Variants in SATB2 observed in about 807,000 individuals in gnomAD.
The protein encoded by SATB2 is DNA-binding protein SATB2.
SATB2 carries 1 observed loss-of-function variant against 73.4 expected under a neutral mutation model. That is an observed-to-expected ratio of 0.01 (90% confidence interval 0.00 to 0.06). The LOEUF is 0.06. SATB2 is among the 10% of genes least tolerant of loss of function. The probability of loss-of-function intolerance (pLI) is 1.00; values close to 1 mark genes in which losing one functional copy is unlikely to be tolerated. For missense variants in SATB2, 459 were observed against 945.8 expected, an observed-to-expected ratio of 0.49 and a Z score of 6.75; for synonymous variants, 397 against 367.0, an observed-to-expected ratio of 1.08 and a Z score of -0.93.
chr2:199,434,663 G>T (rs77466217), intron 2 of SATB2, among the ~76,000 whole-genome samples: 1 of 152,206 alleles, frequency 6.6e-6, no homozygotes, highest in East Asian at 1.9e-4. Context: ...AAGTCACATG[G>T]TCATGGTGAA....
rs1236808818 is a variant in SATB2 at position 199,447,918 on chromosome 2, G to T, written c.169+7951C>A. Among the ~76,000 whole-genome samples, 3 of 37,056 alleles carry T rather than the reference G, an allele frequency of 8.1e-5. 1 individual carries two copies. The highest frequency in any genetic ancestry group is 1.3e-4 in the African/African-American group (3 of 23,210). The allele number at this position is 37,056 out of a possible 152,430, so 24.3% of individuals were successfully genotyped here. A position where few individuals can be genotyped will look rare whatever the true frequency, so the allele number is the denominator to read the frequency against. ...CTTTCACTCAATTAAAGCAGAAATGGATATTGCATCTTCTGACTGTATAAT... is the reference window on the plus strand; with the variant it reads ...CTTTCACTCAATTAAAGCAGAAATGTATATTGCATCTTCTGACTGTATAAT... On this transcript the variant is annotated intron_variant, in intron 2 of 10. Coordinates refer to ENST00000417098, the MANE Select transcript of SATB2 (RefSeq NM_001172509.2).
At chr2:199,448,079 C>T (rs1475806651) in intron 2 of SATB2, among the ~76,000 whole-genome samples, 2 of 152,184 alleles carry the variant, frequency 1.3e-5, no homozygotes, top group Non-Finnish European at 2.9e-5. Context: ...GCTCTGTTAG[C>T]ATCTTTGGAT....
intron 2 of SATB2, among the ~76,000 whole-genome samples, chr2:199,444,255 T>C (rs1415653999): frequency 1.3e-5 from 2 of 152,266 alleles, no homozygotes; most frequent in East Asian, 3.9e-4. Flanking sequence ...ATCCAAAGGC[T>C]ATCACCCAGC....
chr2:199,309,744 C>T lies in SATB2; in HGVS notation c.1543-787G>A, dbSNP rs147858505. 1.0e-3 allele frequency among the ~76,000 whole-genome samples: 154 copies of T among 152,304 alleles called. 3 individuals are homozygous for T. The East Asian group carries it at 0.027, about 27-fold the overall frequency. ...CACTGACTCATGTCAAAATATTTTA[C>T]CAGTAGCTTTCTAACCCATCATTTC... is the stretch of plus-strand genomic sequence containing the variant. On this transcript the variant is annotated intron_variant, in intron 9 of 10. Coordinates refer to ENST00000417098, the MANE Select transcript of SATB2 (RefSeq NM_001172509.2).
intron 3 of SATB2, among the ~76,000 whole-genome samples, chr2:199,386,367 G>A (rs1267191920): frequency 6.6e-6 from 1 of 152,134 alleles, no homozygotes; most frequent in Non-Finnish European, 1.5e-5. Context: ...TAAAAACAGC[G>A]CTCATTCCAA....
At chr2:199,401,486 G>T (rs1318257567) in intron 3 of SATB2, among the ~76,000 whole-genome samples, 1 of 151,728 alleles carries the variant, frequency 6.6e-6, no homozygotes, top group African/African-American at 2.4e-5. Context: ...CCGGGAGGCG[G>T]AGGTTGCAGT....
At position 199,368,857 on chromosome 2, in the gene SATB2, CGATTACCTGAA is replaced by C. The variant is rs991611386; in HGVS notation, c.598-161_598-151del. ...TAAACTGAACTATTAACATCAAACA[CGATTACCTGAA>C]TTTACCATCCCTTTAATTTATACAA... is the stretch of plus-strand genomic sequence containing the variant. On this transcript the variant is annotated intron_variant, in intron 5 of 10. Coordinates refer to ENST00000417098, the MANE Select transcript of SATB2 (RefSeq NM_001172509.2). 4 of 572,552 alleles carry C rather than the reference CGATTACCTGAA, an allele frequency of 7.0e-6. No individual in the cohort carries two copies. The African/African-American group carries it at 7.6e-5, about 11-fold the overall frequency. 35.5% of individuals were successfully genotyped at this position (572,552 alleles called of 1,614,324 possible).
At chr2:199,310,686 T>A (rs934320362) in intron 9 of SATB2, among the ~76,000 whole-genome samples, 10 of 152,228 alleles carry the variant, frequency 6.6e-5, no homozygotes, top group Admixed American at 5.2e-4. Flanking sequence ...CAAACAGGTA[T>A]GTTTAACATC....
At chr2:199,306,993 G>C (rs1687450989) in intron 10 of SATB2, among the ~76,000 whole-genome samples, 1 of 152,078 alleles carries the variant, frequency 6.6e-6, no homozygotes, top group African/African-American at 2.4e-5. Context: ...ACTGAACTAA[G>C]ATAGGCCCTG....
intron 10 of SATB2, among the ~76,000 whole-genome samples, chr2:199,281,045 C>T (rs926614751): frequency 2.6e-5 from 4 of 152,074 alleles, no homozygotes; most frequent in Non-Finnish European, 5.9e-5. Flanking sequence ...TACTCTGTCC[C>T]TTTATTTCTC....
chr2:199,361,163 C>T lies in SATB2; in HGVS notation c.700+7442G>A, dbSNP rs181797530. 2.8e-3 allele frequency among the ~76,000 whole-genome samples: 428 copies of T among 152,232 alleles called. 6 individuals carry two copies. The highest frequency in any genetic ancestry group is 9.7e-4 in the Non-Finnish European group (66 of 68,012). On this transcript the variant is annotated intron_variant, in intron 6 of 10. Coordinates refer to ENST00000417098, the MANE Select transcript of SATB2 (RefSeq NM_001172509.2). ...CCTTTAGTCGGCTGGTTTCACATGT[C>T]AAACAGCCTAATGGACATTTCTACC...
intron 10 of SATB2, among the ~76,000 whole-genome samples, chr2:199,288,505 C>T (rs547722354): frequency 6.6e-6 from 1 of 152,238 alleles, no homozygotes; most frequent in South Asian, 2.1e-4. Flanking sequence ...TTTAGAATCC[C>T]ACATTAGGCC....
At chr2:199,380,855 T>A (rs1440237834) in intron 4 of SATB2, among the ~76,000 whole-genome samples, 6 of 152,136 alleles carry the variant, frequency 3.9e-5, no homozygotes, top group African/African-American at 7.2e-5. Flanking sequence ...TAAACAAACA[T>A]CCCCTGTCAG....
At position 199,349,045 on chromosome 2, in the gene SATB2, G is replaced by C; in HGVS notation, c.829C>G (p.His277Asp). The C allele has an allele frequency of 6.2e-7, 1 of 1,614,128 alleles. No individual in the cohort carries two copies. Among genetic ancestry groups the C allele is most frequent in the Non-Finnish European group, 8.5e-7 (1 of 1,179,978 alleles). Residue 277 changes from histidine (H) to aspartate (D), a missense_variant, in exon 7 of 11, where the codon CAC (histidine) becomes GAC (aspartate). By Grantham distance (81) the His-to-Asp change is moderately conservative. This residue lies in a region of SATB2 where 77 missense variants were observed against 90.4 expected (regional missense o/e 0.85). Transcript: ENST00000417098. Reference protein sequence around the residue: ...TNEQSPHSQIHHSTPIRNQVP... With the variant: ...TNEQSPHSQIDHSTPIRNQVP... Reference sequence around the variant, plus strand: ...TGGTTTCGGATTGGAGTACTGTGGTGAATTTGGCTGTGAGGAGACTGTTCG... The same window carrying C: ...TGGTTTCGGATTGGAGTACTGTGGTCAATTTGGCTGTGAGGAGACTGTTCG...
chr2:199,391,299 G>T (rs1009497127), intron 3 of SATB2, among the ~76,000 whole-genome samples: 1 of 151,850 alleles, frequency 6.6e-6, no homozygotes, highest in Non-Finnish European at 1.5e-5. Flanking sequence ...CAGGTGTGGT[G>T]GTGGGCGCCT....
upstream of SATB2, among the ~76,000 whole-genome samples, chr2:199,466,293 C>T (rs1291883702): frequency 6.6e-6 from 1 of 152,214 alleles, no homozygotes; most frequent in African/African-American, 2.4e-5. Flanking sequence ...CTTGCCGGCA[C>T]TTAGGGACAG....
chr2:199,412,591 C>T (rs1300004450), intron 3 of SATB2, among the ~76,000 whole-genome samples: 2 of 152,116 alleles, frequency 1.3e-5, no homozygotes, highest in Non-Finnish European at 2.9e-5. Flanking sequence ...TCTTCTCTCC[C>T]CAACTAGGTA....
intron 8 of SATB2, among the ~76,000 whole-genome samples, chr2:199,327,662 T>A (rs191982907): frequency 6.6e-6 from 1 of 152,242 alleles, no homozygotes; most frequent in African/African-American, 2.4e-5. Flanking sequence ...ACCCTTGAGT[T>A]AGGAGCTTTG....
At chr2:199,296,319 G>A (rs1447781054) in intron 10 of SATB2, among the ~76,000 whole-genome samples, 1 of 152,178 alleles carries the variant, frequency 6.6e-6, no homozygotes, top group Admixed American at 6.5e-5. Context: ...AGAAATGGAT[G>A]AGCCAACTCA....
Sources: allele counts gnomAD v4.1 joint callset (sites outside exome capture counted in the v4.1 genomes callset), GRCh38; gene constraint gnomAD v4.1.1; regional missense constraint gnomAD v4.1.1; transcripts MANE v1.5; gene names NCBI Gene and HGNC (gene_info 2026-07-23, HGNC 2026-07-21).